AGBL2: variants seen among roughly 807,000 people sequenced by gnomAD.
AGBL2 encodes cytosolic carboxypeptidase 2.
In AGBL2, 87 loss-of-function variants were observed where a neutral mutation model predicts 103.0. That is an observed-to-expected ratio of 0.84 (90% CI 0.71 to 1.01). The LOEUF (loss-of-function observed/expected upper bound fraction) is 1.01, where lower values mean the gene tolerates loss of function less well. Ranked by LOEUF, AGBL2 falls within the 50% of genes least tolerant of loss-of-function variation. The pLI, the probability that AGBL2 is intolerant of heterozygous loss-of-function variation, is 0.00. For synonymous variants in AGBL2, 335 were observed against 356.7 expected, an observed-to-expected ratio of 0.94 and a Z score of 0.69; for missense variants, 904 against 1,023.5, an observed-to-expected ratio of 0.88 and a Z score of 1.59.
intron 17 of AGBL2, 178 bp downstream of exon 17, chr11:47,666,778 T>C (rs909682972): frequency 1.5e-6 from 1 of 658,180 alleles, no homozygotes; most frequent in East Asian, 2.7e-5. Context: ...ACTTCAGTCA[T>C]GTCTAATCCA....
rs140305206 is a variant in AGBL2 at position 47,682,025 on chromosome 11, C to T, written c.1859G>A (p.Arg620Gln). The change falls in exon 12 of 19, where the codon CGG becomes CAG. Residue 620 changes from arginine (R) to glutamine (Q), a missense_variant. Physicochemically the swap from Arg to Gln is conservative, Grantham distance 43. Coordinates refer to ENST00000525123, the MANE Select transcript of AGBL2 (RefSeq NM_024783.4). Reference sequence around the variant, plus strand: ...GGTGTAGCTGTTTAGGATTCCCATCCGCCACATAACAACTCGTCCTGTTCC... The same window carrying T: ...GGTGTAGCTGTTTAGGATTCCCATCTGCCACATAACAACTCGTCCTGTTCC... ...KEGTGRVVMW[R>Q]MGILNSYTME... The T allele has an allele frequency of 2.1e-5, 34 of 1,614,106 alleles. No individual in the cohort carries two copies. Among genetic ancestry groups the T allele is most frequent in the African/African-American group, 1.9e-4 (14 of 75,032 alleles).
intron 11 of AGBL2, among the ~76,000 whole-genome samples, chr11:47,685,206 CA>C (rs201432420): frequency 2.2e-4 from 31 of 142,614 alleles, no homozygotes; most frequent in South Asian, 2.2e-4. Context: ...GACTCCGTCT[CA>C]AAAAAAAAAA....
intron 3 of AGBL2, among the ~76,000 whole-genome samples, chr11:47,713,214 G>T (rs2097540533): frequency 1.3e-5 from 2 of 150,606 alleles, no homozygotes; most frequent in South Asian, 4.2e-4. Flanking sequence ...AGTGGTGGTG[G>T]GCGCCTGTAA....
chr11:47,676,747 A>C (rs1036630524), intron 14 of AGBL2, among the ~76,000 whole-genome samples: 3 of 148,226 alleles, frequency 2.0e-5, no homozygotes, highest in African/African-American at 7.4e-5. Context: ...TGAACCCGGA[A>C]GGCGGAGCTT....
At chr11:47,671,974 C>T (rs377527158) in intron 14 of AGBL2, among the ~76,000 whole-genome samples, 2 of 152,164 alleles carry the variant, frequency 1.3e-5, no homozygotes, top group African/African-American at 4.8e-5. Flanking sequence ...GAGACTGTGA[C>T]AGCCAGTTTC....
At chr11:47,669,145 G>A (rs1404358567) in intron 14 of AGBL2, among the ~76,000 whole-genome samples, 1 of 152,104 alleles carries the variant, frequency 6.6e-6, no homozygotes, top group Non-Finnish European at 1.5e-5. Flanking sequence ...ATAGATCACT[G>A]CAGCCTTGAC....
At position 47,660,096 on chromosome 11, in the gene AGBL2, T is replaced by C. The variant is rs1047184045; in HGVS notation, c.*77A>G. 16 of 1,472,464 alleles carry C rather than the reference T, an allele frequency of 1.1e-5. No homozygotes were observed. The African/African-American group carries it at 1.7e-4, about 15-fold the overall frequency. 91.2% of individuals were successfully genotyped at this position (1,472,464 alleles called of 1,614,324 possible). A position where few individuals can be genotyped will look rare whatever the true frequency, so the allele number is the denominator to read the frequency against. Reference sequence around the variant, plus strand: ...CACAAGTAAATGCAGTTCCCAGTCATACATCTCCCCCATTATAAAATGTGT... The same window carrying C: ...CACAAGTAAATGCAGTTCCCAGTCACACATCTCCCCCATTATAAAATGTGT... On this transcript the variant is annotated 3_prime_UTR_variant, in exon 19 of 19. Coordinates refer to ENST00000525123, the MANE Select transcript of AGBL2 (RefSeq NM_024783.4).
rs1564992148 is a variant in AGBL2 at position 47,659,931 on chromosome 11, GATAA to G, written c.*238_*241del. On this transcript the variant is annotated 3_prime_UTR_variant, in exon 19 of 19. Coordinates refer to ENST00000525123, the MANE Select transcript of AGBL2 (RefSeq NM_024783.4). ...GCCATGAGAACACACTTCAGTTTCT[GATAA>G]AGCATTTTTACACATCATAATAAAA... is the stretch of plus-strand genomic sequence containing the variant. 2.0e-4 allele frequency: 74 copies of G among 378,660 alleles called. No homozygotes were observed. Among genetic ancestry groups the G allele is most frequent in the Non-Finnish European group, 3.2e-4 (68 of 214,036 alleles). 23.5% of individuals were successfully genotyped at this position (378,660 alleles called of 1,614,324 possible). A position where few individuals can be genotyped will look rare whatever the true frequency, so the allele number is the denominator to read the frequency against.
At chr11:47,677,454 T>G (rs2097380037) in intron 13 of AGBL2, 53 bp from the exon 14 acceptor site, 5 of 1,150,336 alleles carry the variant, frequency 4.3e-6, no homozygotes, top group African/African-American at 1.6e-5. Context: ...TTTTATTTAT[T>G]TATTATTATT....
At chr11:47,668,962 A>G (rs779667726) in intron 14 of AGBL2, 55 bp from the exon 15 acceptor site, 1 of 1,272,350 alleles carries the variant, frequency 7.9e-7, no homozygotes, top group East Asian at 2.3e-5. Context: ...ATGTCTAGGA[A>G]GCATAACATT....
At chr11:47,664,414 GT>G (rs768834821) in intron 17 of AGBL2, among the ~76,000 whole-genome samples, 285 of 139,954 alleles carry the variant, frequency 2.0e-3, no homozygotes, top group Middle Eastern at 3.8e-3. Flanking sequence ...ATCCAGCTAA[GT>G]TTTTTTTTTT....
At chr11:47,680,119 TGA>T (rs1206256991) in intron 12 of AGBL2, 46 bp from the exon 13 acceptor site, 13 of 1,182,626 alleles carry the variant, frequency 1.1e-5, no homozygotes, top group Non-Finnish European at 1.5e-5. Context: ...TAAATCTTAG[TGA>T]CTGAATGTAA....
At chr11:47,700,779 T>C (rs1408792340) in intron 7 of AGBL2, among the ~76,000 whole-genome samples, 3 of 152,104 alleles carry the variant, frequency 2.0e-5, no homozygotes, top group Non-Finnish European at 4.4e-5. Flanking sequence ...CAATTTAGTT[T>C]AAACAATAAG....
chr11:47,705,826 G>A (rs1376543801), intron 5 of AGBL2, 38 bp downstream of exon 5: 1 of 1,589,208 alleles, frequency 6.3e-7, no homozygotes, highest in Non-Finnish European at 8.6e-7. Context: ...GTCCAAAAAA[G>A]GAGCTTGAAT....
chr11:47,710,724 G>A, intron 3 of AGBL2: 3 of 624,152 alleles, frequency 4.8e-6, no homozygotes, highest in African/African-American at 3.6e-5. Flanking sequence ...TGGATGTGAA[G>A]AGGAGACTTG....
At chr11:47,694,130 G>A (rs1049267303) in intron 8 of AGBL2, among the ~76,000 whole-genome samples, 11 of 151,950 alleles carry the variant, frequency 7.2e-5, no homozygotes, top group African/African-American at 2.4e-4. Flanking sequence ...CTGAGAGGTC[G>A]AGGCTGCAGT....
At chr11:47,679,701 G>T (rs1314144712) in intron 13 of AGBL2, among the ~76,000 whole-genome samples, 1 of 151,520 alleles carries the variant, frequency 6.6e-6, no homozygotes, top group Non-Finnish European at 1.5e-5. Flanking sequence ...GAGTGCAGTG[G>T]TGTGATCTCG....
intron 11 of AGBL2, among the ~76,000 whole-genome samples, chr11:47,684,049 G>C (rs2097413508): frequency 6.6e-6 from 1 of 151,924 alleles, no homozygotes; most frequent in African/African-American, 2.4e-5. Context: ...TAAGGAGTTT[G>C]AGACCAGCCT....
At chr11:47,669,636 G>A (rs576159123) in intron 14 of AGBL2, among the ~76,000 whole-genome samples, 35 of 151,824 alleles carry the variant, frequency 2.3e-4, no homozygotes, top group African/African-American at 7.5e-4. Context: ...CCGAGATTGC[G>A]CCATTGCACT....
Sources: gnomAD v4.1 joint callset for allele counts (sites outside exome capture counted in the v4.1 genomes callset) on GRCh38, gnomAD v4.1.1 for gene constraint, MANE v1.5 for transcripts, NCBI Gene and HGNC (gene_info 2026-07-23, HGNC 2026-07-21) for gene names.